TRIM9: variants seen among roughly 807,000 people sequenced by gnomAD.
The protein encoded by TRIM9 is E3 ubiquitin-protein ligase TRIM9.
A neutral mutation model predicts 78.3 loss-of-function variants in TRIM9; 26 were observed. The observed-to-expected ratio is 0.33, with a 90% CI of 0.24 to 0.46. The LOEUF (loss-of-function observed/expected upper bound fraction) is 0.46, where lower values mean the gene tolerates loss of function less well. Ranked by LOEUF, TRIM9 falls within the 20% of genes least tolerant of loss-of-function variation. The pLI, the probability that TRIM9 is intolerant of heterozygous loss-of-function variation, is 1.00. For synonymous variants in TRIM9, 398 were observed against 416.5 expected, an observed-to-expected ratio of 0.96 and a Z score of 0.54; for missense variants, 787 against 1,036.4, an observed-to-expected ratio of 0.76 and a Z score of 3.30.
chr14:51,069,528 A>G (rs2062033059), intron 1 of TRIM9, among the ~76,000 whole-genome samples: 1 of 152,254 alleles, frequency 6.6e-6, no homozygotes, highest in African/African-American at 2.4e-5. Context: ...ACCCTGCTCT[A>G]GGCTGCACTG....
At chr14:51,026,054 G>A (rs986904869) in intron 1 of TRIM9, among the ~76,000 whole-genome samples, 7 of 152,114 alleles carry the variant, frequency 4.6e-5, no homozygotes, top group African/African-American at 1.4e-4. Flanking sequence ...GTAGGTACTT[G>A]CTCTTCCAGC....
At chr14:50,981,422 T>C (rs1271946460) in intron 11 of TRIM9, among the ~76,000 whole-genome samples, 1 of 152,230 alleles carries the variant, frequency 6.6e-6, no homozygotes, top group Non-Finnish European at 1.5e-5. Context: ...ATTGTACTAA[T>C]TTGATGGATT....
chr14:51,088,502 G>A (rs2063991169), intron 1 of TRIM9, among the ~76,000 whole-genome samples: 1 of 152,164 alleles, frequency 6.6e-6, no homozygotes, highest in Non-Finnish European at 1.5e-5. Flanking sequence ...GAATTGTGGA[G>A]TGCTCATACA....
intron 1 of TRIM9, among the ~76,000 whole-genome samples, chr14:51,072,751 T>C (rs1376251485): frequency 6.6e-6 from 1 of 152,162 alleles, no homozygotes; most frequent in South Asian, 2.1e-4. Flanking sequence ...TTCGTACTGT[T>C]TGCACTTAAG....
intron 7 of TRIM9, among the ~76,000 whole-genome samples, chr14:50,991,325 C>T (rs1036923018): frequency 5.3e-5 from 8 of 152,180 alleles, no homozygotes; most frequent in Middle Eastern, 3.2e-3. Context: ...CCTGGGATAT[C>T]ATGCATGTGT....
At chr14:50,995,474 C>A (rs944880616) in intron 7 of TRIM9, among the ~76,000 whole-genome samples, 6 of 152,116 alleles carry the variant, frequency 3.9e-5, no homozygotes, top group Admixed American at 1.3e-4. Flanking sequence ...GAAGAAAAAA[C>A]CAATCAAAAT....
Position 50,982,923 on chromosome 14 carries a change from G to A in TRIM9, c.1858+19C>T, listed in dbSNP as rs2139317110. On this transcript the variant is annotated intron_variant, in intron 10 of 12. Transcript: ENST00000684578. The stretch of plus-strand genomic sequence containing the variant: ...CTTTGGTCTTTGCTATTTGGTAACA[G>A]AATAAGGTTATTCCATACCTGCCAA... 1.9e-6 allele frequency: 3 copies of A among 1,545,976 alleles called. No homozygotes were observed. Among genetic ancestry groups the A allele is most frequent in the Middle Eastern group, 1.7e-4 (1 of 5,978 alleles).
chr14:51,047,116 T>A (rs1179528767), intron 1 of TRIM9, among the ~76,000 whole-genome samples: 1 of 152,154 alleles, frequency 6.6e-6, no homozygotes, highest in East Asian at 1.9e-4. Flanking sequence ...TGCCTCTGCT[T>A]GAGCTGGGGT....
In TRIM9 at chr14:51,000,839, A is replaced by G. The variant is rs762717966; in HGVS notation, c.1308T>C (p.Ala436=). ...IHQLDFVQVK[A]SSPVPATPIL... ...TAGGGGTTGCTGGGACTGGAGAGGA[A>G]GCTAAACAGAAATTAGTGTAACTCT... The change falls in exon 6 of 13, where the codon GCT becomes GCC. Residue 436 remains alanine (A), a splice_region_variant and synonymous_variant. Transcript: ENST00000684578. The G allele has an allele frequency of 2.5e-6, 4 of 1,613,864 alleles. No homozygotes were observed. In the South Asian group the frequency reaches 3.3e-5, roughly 13 times the overall value.
intron 7 of TRIM9, 46 bp from the exon 8 acceptor site, chr14:50,986,190 A>T (rs1212838575): frequency 1.4e-6 from 2 of 1,426,550 alleles, no homozygotes; most frequent in South Asian, 3.2e-5. Flanking sequence ...GTCTGCTATT[A>T]TGTCCCCGTG....
chr14:51,036,301 TTTG>T (rs914614970), intron 1 of TRIM9, among the ~76,000 whole-genome samples: 2 of 152,260 alleles, frequency 1.3e-5, no homozygotes, highest in African/African-American at 4.8e-5. Context: ...AGAATTTGTT[TTTG>T]TTTTTTTTGA....
At chr14:51,050,622 G>A (rs1319926163) in intron 1 of TRIM9, among the ~76,000 whole-genome samples, 1 of 152,158 alleles carries the variant, frequency 6.6e-6, no homozygotes, top group African/African-American at 2.4e-5. Context: ...CTGGGCAGTG[G>A]CTTGGGACTG....
At chr14:50,989,724 A>G (rs1043421537) in intron 7 of TRIM9, among the ~76,000 whole-genome samples, 1 of 152,232 alleles carries the variant, frequency 6.6e-6, no homozygotes, top group African/African-American at 2.4e-5. Context: ...GACTCTAGGC[A>G]TAACTATAAC....
Position 51,094,975 on chromosome 14 carries a change from G to T in TRIM9, c.-36C>A. The T allele has an allele frequency of 7.2e-7, 1 of 1,380,900 alleles. No homozygotes were observed. The highest frequency in any genetic ancestry group is 3.1e-5 in the Admixed American group (1 of 32,006). The allele number at this position is 1,380,900 out of a possible 1,614,324, so 85.5% of individuals were successfully genotyped here. A position where few individuals can be genotyped will look rare whatever the true frequency, so the allele number is the denominator to read the frequency against. On this transcript the variant is annotated 5_prime_UTR_variant, in exon 1 of 13. It adds an upstream start codon to the 5' untranslated region. Transcript: ENST00000684578. ...CTGGGAGGAGACAGCGACGGCTGCAGCGGGTGCCTGAGCTGGCGAGGTGGC... is the reference window on the plus strand; with the variant it reads ...CTGGGAGGAGACAGCGACGGCTGCATCGGGTGCCTGAGCTGGCGAGGTGGC...
intron 7 of TRIM9, among the ~76,000 whole-genome samples, chr14:50,987,068 A>G (rs1288333346): frequency 3.9e-5 from 6 of 152,238 alleles, no homozygotes; most frequent in Admixed American, 1.3e-4. Context: ...TCTTTCGCCA[A>G]TTGAAGCCTT....
intron 1 of TRIM9, among the ~76,000 whole-genome samples, chr14:51,060,374 T>C (rs1388227603): frequency 1.3e-5 from 2 of 152,210 alleles, no homozygotes; most frequent in Admixed American, 6.5e-5. Flanking sequence ...AATTTTCTTA[T>C]ATTTATACAA....
chr14:51,018,387 C>G (rs910898310), intron 3 of TRIM9, among the ~76,000 whole-genome samples: 3 of 150,742 alleles, frequency 2.0e-5, no homozygotes, highest in African/African-American at 7.3e-5. Context: ...TCTTTCCTCT[C>G]TCTCATCTGA....
chr14:51,013,341 T>G (rs2056802212), intron 3 of TRIM9, among the ~76,000 whole-genome samples: 1 of 152,046 alleles, frequency 6.6e-6, no homozygotes, highest in Non-Finnish European at 1.5e-5. Flanking sequence ...TTTGAGCAAG[T>G]ATGTAAGAGT....
At chr14:50,984,489 TA>T (rs1390713157) in intron 8 of TRIM9, among the ~76,000 whole-genome samples, 1 of 152,234 alleles carries the variant, frequency 6.6e-6, no homozygotes, top group Non-Finnish European at 1.5e-5. Flanking sequence ...GGCTGATTTT[TA>T]TGTTTTGTTT....
Sources: allele counts gnomAD v4.1 joint callset (sites outside exome capture counted in the v4.1 genomes callset), GRCh38; gene constraint gnomAD v4.1.1; transcripts MANE v1.5; gene names NCBI Gene and HGNC (gene_info 2026-07-23, HGNC 2026-07-21).